Variants in SPINK8 observed in about 807,000 individuals in gnomAD.
SPINK8 encodes serine peptidase inhibitor Kazal type 8 (putative).
A neutral mutation model predicts 14.4 loss-of-function variants in SPINK8; 12 were observed. That is an observed-to-expected ratio of 0.83 (90% CI 0.53 to 1.35). SPINK8 has a LOEUF of 1.35. Among genes scored for constraint, SPINK8 ranks in the 40% most tolerant of loss-of-function variants. The pLI is 0.00. For missense variants in SPINK8, 103 were observed against 117.0 expected (o/e 0.88, Z 0.55); for synonymous variants, 32 against 37.6 (o/e 0.85, Z 0.55).
At position 48,306,963 on chromosome 3, in the gene SPINK8, A is replaced by G. The variant is rs753277312; in HGVS notation, c.*29T>C. Reference sequence around the variant, plus strand: ...GTTTCACTTGGCAATCTGGAGATTCAGTAGGTTTTATAATTCTTTGTCGTA... The same window carrying G: ...GTTTCACTTGGCAATCTGGAGATTCGGTAGGTTTTATAATTCTTTGTCGTA... On this transcript the variant is annotated 3_prime_UTR_variant, in exon 8 of 8. Transcript: ENST00000434006. 1.2e-5 allele frequency: 19 copies of G among 1,611,406 alleles called. No homozygotes were observed. The highest frequency in any genetic ancestry group is 6.6e-5 in the South Asian group (6 of 90,508).
chr3:48,315,351 A>G (rs2035973626), intron 6 of SPINK8, among the ~76,000 whole-genome samples: 1 of 152,212 alleles, frequency 6.6e-6, no homozygotes, highest in Non-Finnish European at 1.5e-5. Context: ...GATAAAAGTC[A>G]GTCAATGGAA....
At chr3:48,330,179 T>G (rs543290597) in intron 2 of SPINK8, among the ~76,000 whole-genome samples, 3 of 152,282 alleles carry the variant, frequency 2.0e-5, no homozygotes, top group African/African-American at 7.2e-5. Flanking sequence ...CTAAATTTGG[T>G]GCCTGCTTAT....
chr3:48,320,244 TC>T (rs997687032), intron 5 of SPINK8, among the ~76,000 whole-genome samples: 73 of 151,590 alleles, frequency 4.8e-4, no homozygotes, highest in African/African-American at 1.7e-3. Context: ...GAAATGTCTT[TC>T]CAGGTTAAAA....
At chr3:48,312,858 C>T (rs575639731) in intron 6 of SPINK8, among the ~76,000 whole-genome samples, 47 of 151,940 alleles carry the variant, frequency 3.1e-4, no homozygotes, top group Non-Finnish European at 5.0e-4. Flanking sequence ...ATTAGCTGGG[C>T]GTGGTGGTGC....
chr3:48,308,801 A>G (rs1027010068), intron 7 of SPINK8, among the ~76,000 whole-genome samples: 1 of 152,150 alleles, frequency 6.6e-6, no homozygotes, highest in Non-Finnish European at 1.5e-5. Flanking sequence ...ATTTAAAACC[A>G]CCCCTTTGAA....
chr3:48,320,977 G>C, intron 5 of SPINK8, 48 bp downstream of exon 5: 1 of 1,557,200 alleles, frequency 6.4e-7, no homozygotes, highest in Non-Finnish European at 8.7e-7. Flanking sequence ...TGGGCAAACT[G>C]GCTCTCTCCC....
intron 7 of SPINK8, among the ~76,000 whole-genome samples, chr3:48,308,801 AC>A (rs2035884602): frequency 6.6e-6 from 1 of 152,150 alleles, no homozygotes; most frequent in Admixed American, 6.5e-5. Flanking sequence ...ATTTAAAACC[AC>A]CCCTTTGAAG....
intron 6 of SPINK8, 88 bp downstream of exon 6, chr3:48,319,409 T>C (rs1288244019): frequency 2.1e-6 from 3 of 1,462,646 alleles, no homozygotes; most frequent in Admixed American, 1.8e-5. Flanking sequence ...CATTGGATGA[T>C]GTAGGAAGTG....
intron 1 of SPINK8, among the ~76,000 whole-genome samples, chr3:48,333,278 G>A (rs2036289209): frequency 6.6e-6 from 1 of 152,138 alleles, no homozygotes; most frequent in South Asian, 2.1e-4. Context: ...TTGTGGCCAG[G>A]GGTACTGCAG....
chr3:48,307,029 A>G, intron 7 of SPINK8, 26 bp from the exon 8 acceptor site: 1 of 1,611,274 alleles, frequency 6.2e-7, no homozygotes, highest in South Asian at 1.1e-5. Flanking sequence ...CTGCTTAGAG[A>G]AATCAAATTT....
chr3:48,313,912 G>A lies in SPINK8; in HGVS notation c.240-3966C>T, dbSNP rs574697400. On this transcript the variant is annotated intron_variant, in intron 6 of 7. Transcript: ENST00000434006. Reference sequence around the variant, plus strand: ...GTGAAATATACAGAATAGTAAATCTGTAAAAACAGAAAGTCTATTGCTAGT... The same window carrying A: ...GTGAAATATACAGAATAGTAAATCTATAAAAACAGAAAGTCTATTGCTAGT... 2.0e-5 allele frequency among the ~76,000 whole-genome samples: 3 copies of A among 152,310 alleles called. No individual in the cohort carries two copies. In the South Asian group the frequency reaches 6.2e-4, roughly 32 times the overall value.
intron 6 of SPINK8, among the ~76,000 whole-genome samples, chr3:48,317,614 C>T (rs1363113481): frequency 6.6e-6 from 1 of 151,984 alleles, no homozygotes; most frequent in Non-Finnish European, 1.5e-5. Flanking sequence ...CTCTCAGGTT[C>T]ATGCCATTCT....
intron 2 of SPINK8, among the ~76,000 whole-genome samples, chr3:48,330,462 T>C (rs902996752): frequency 4.6e-5 from 7 of 152,144 alleles, no homozygotes; most frequent in African/African-American, 1.7e-4. Context: ...GAGGTTGCAG[T>C]AAGCCGAGAT....
intron 2 of SPINK8, among the ~76,000 whole-genome samples, chr3:48,330,469 A>C (rs890661180): frequency 6.6e-6 from 1 of 152,164 alleles, no homozygotes; most frequent in Non-Finnish European, 1.5e-5. Context: ...CAGTAAGCCG[A>C]GATCGCGCCA....
At chr3:48,325,645 T>G (rs944128505) in intron 4 of SPINK8, among the ~76,000 whole-genome samples, 1 of 149,466 alleles carries the variant, frequency 6.7e-6, no homozygotes, top group South Asian at 2.1e-4. Context: ...CAAGCTGGAG[T>G]GCAATGGTGC....
rs754046506 is a variant in SPINK8 at position 48,333,625 on chromosome 3, G to A, written c.-332C>T. ...TGGATTCTAGTGGTCCTTTACCAGC[G>A]TGCCTGACATTGCCTTTGCACTCAG... On this transcript the variant is annotated 5_prime_UTR_variant, in exon 1 of 8. In the 5' UTR this introduces an upstream ATG that the reference lacks. Coordinates refer to ENST00000434006, the MANE Select transcript of SPINK8 (RefSeq NM_001080525.3). Among the ~76,000 whole-genome samples the A allele has an allele frequency of 1.5e-4, 23 of 152,268 alleles. No homozygotes were observed. The highest frequency in any genetic ancestry group is 2.6e-4 in the Non-Finnish European group (18 of 68,018).
At chr3:48,317,669 C>T (rs948173957) in intron 6 of SPINK8, among the ~76,000 whole-genome samples, 3 of 151,974 alleles carry the variant, frequency 2.0e-5, no homozygotes, top group Non-Finnish European at 4.4e-5. Context: ...GCACCCGCCA[C>T]CACGTCTGGC....
chr3:48,327,110 T>G (rs2036157242), intron 4 of SPINK8, among the ~76,000 whole-genome samples: 1 of 152,154 alleles, frequency 6.6e-6, no homozygotes, highest in Non-Finnish European at 1.5e-5. Context: ...AAGGGCCACA[T>G]CACAAAGGCT....
chr3:48,306,933 AT>A lies in SPINK8; in HGVS notation c.*58del. 6.3e-7 allele frequency: 1 copy of A among 1,584,564 alleles called. No homozygotes were observed. The highest frequency in any genetic ancestry group is 1.1e-5 in the South Asian group (1 of 88,722). ...AGGGGATATATTTGAAGAGGCAACC[AT>A]TGTGTTTCACTTGGCAATCTGGAGA... On this transcript the variant is annotated 3_prime_UTR_variant, in exon 8 of 8. Coordinates refer to ENST00000434006, the MANE Select transcript of SPINK8 (RefSeq NM_001080525.3).
Sources: allele counts gnomAD v4.1 joint callset (sites outside exome capture counted in the v4.1 genomes callset), GRCh38; gene constraint gnomAD v4.1.1; transcripts MANE v1.5; gene names NCBI Gene and HGNC (gene_info 2026-07-23, HGNC 2026-07-21).